Variants in FBXO36 observed in about 807,000 individuals in gnomAD.
The protein encoded by FBXO36 is F-box protein 36, also known as F-box only protein 36.
Under a neutral mutation model 17.0 loss-of-function variants are expected in FBXO36, and 18 were observed. That is an observed-to-expected ratio of 1.06 (90% CI 0.73 to 1.57). FBXO36 has a LOEUF of 1.57. Ranked by LOEUF, FBXO36 falls within the 40% of genes most tolerant of loss-of-function variation. The pLI is 0.00. For synonymous variants in FBXO36, 83 were observed against 85.3 expected (o/e 0.97, Z 0.15); for missense variants, 229 against 221.9 (o/e 1.03, Z -0.20).
chr2:230,001,964 C>T (rs2077361552), intron 3 of FBXO36, among the ~76,000 whole-genome samples: 1 of 152,120 alleles, frequency 6.6e-6, no homozygotes, highest in South Asian at 2.1e-4. Flanking sequence ...ATTACAAGTG[C>T]AAGCCACCAC....
intron 2 of FBXO36, among the ~76,000 whole-genome samples, chr2:229,985,534 C>T (rs1406279796): frequency 1.3e-5 from 2 of 152,146 alleles, no homozygotes; most frequent in African/African-American, 4.8e-5. Context: ...CCTTTGTCTT[C>T]AGCCTTGATC....
At chr2:229,978,400 C>G (rs2106196474) in intron 2 of FBXO36, among the ~76,000 whole-genome samples, 1 of 151,814 alleles carries the variant, frequency 6.6e-6, no homozygotes, top group East Asian at 1.9e-4. Context: ...CTGGCCAAGA[C>G]AGTGAAACCC....
intron 1 of FBXO36, among the ~76,000 whole-genome samples, chr2:229,936,494 T>A (rs1432085673): frequency 6.6e-6 from 1 of 152,208 alleles, no homozygotes; most frequent in Admixed American, 6.6e-5. Context: ...GGGCATTTTA[T>A]AAAGATAGAT....
intron 1 of FBXO36, among the ~76,000 whole-genome samples, chr2:229,961,517 G>C (rs932910428): frequency 3.3e-5 from 5 of 151,930 alleles, no homozygotes; most frequent in African/African-American, 4.8e-5. Context: ...CTGGAACTAC[G>C]GGCGCATGCC....
intron 1 of FBXO36, among the ~76,000 whole-genome samples, chr2:229,974,345 G>C (rs371831986): frequency 6.6e-6 from 1 of 152,112 alleles, no homozygotes; most frequent in African/African-American, 2.4e-5. Context: ...TAAATACCTC[G>C]GAAGGGCCAG....
chr2:229,958,290 A>G (rs2077101682), intron 1 of FBXO36, among the ~76,000 whole-genome samples: 1 of 100,984 alleles, frequency 9.9e-6, no homozygotes, highest in African/African-American at 4.1e-5. Context: ...TTTTTGAGTC[A>G]GAGTCTCACT....
At chr2:229,995,308 G>A (rs563036582) in intron 2 of FBXO36, among the ~76,000 whole-genome samples, 1 of 152,116 alleles carries the variant, frequency 6.6e-6, no homozygotes, top group East Asian at 1.9e-4. Context: ...AGAGAACTGG[G>A]GGGAAATCCT....
chr2:229,946,421 C>T (rs1451793222), intron 1 of FBXO36, among the ~76,000 whole-genome samples: 1 of 152,162 alleles, frequency 6.6e-6, no homozygotes, highest in Non-Finnish European at 1.5e-5. Context: ...GCATCTCTGC[C>T]AAGAATCCCC....
At chr2:229,953,995 A>G (rs1301843803) in intron 1 of FBXO36, among the ~76,000 whole-genome samples, 1 of 152,042 alleles carries the variant, frequency 6.6e-6, no homozygotes, top group Non-Finnish European at 1.5e-5. Context: ...CCTTCCAAGT[A>G]GCTGGGACTA....
intron 1 of FBXO36, among the ~76,000 whole-genome samples, chr2:229,926,614 T>G (rs1341578608): frequency 6.7e-6 from 1 of 150,186 alleles, no homozygotes; most frequent in Non-Finnish European, 1.5e-5. Flanking sequence ...CATGGTAGCA[T>G]GAGCCTGTAA....
chr2:229,946,900 C>T (rs2077029958), intron 1 of FBXO36, among the ~76,000 whole-genome samples: 1 of 152,178 alleles, frequency 6.6e-6, no homozygotes, highest in Non-Finnish European at 1.5e-5. Flanking sequence ...GGCGCTGTGG[C>T]TCATGCCTAT....
chr2:229,976,035 T>C (rs2077206497), intron 1 of FBXO36, among the ~76,000 whole-genome samples: 1 of 152,184 alleles, frequency 6.6e-6, no homozygotes, highest in Non-Finnish European at 1.5e-5. Flanking sequence ...AAGTTCCTTC[T>C]AGCACTATGG....
At chr2:229,979,886 A>G (rs1305003093) in intron 2 of FBXO36, among the ~76,000 whole-genome samples, 1 of 152,150 alleles carries the variant, frequency 6.6e-6, no homozygotes, top group Non-Finnish European at 1.5e-5. Context: ...GAAGAAAAAA[A>G]AAAGAACAAT....
intron 3 of FBXO36, among the ~76,000 whole-genome samples, chr2:229,999,728 G>A (rs773925249): frequency 6.6e-6 from 1 of 151,572 alleles, no homozygotes; most frequent in Non-Finnish European, 1.5e-5. Context: ...TTGGGTTCAG[G>A]CATACATGTG....
At chr2:229,965,618 T>A (rs1436926646) in intron 1 of FBXO36, among the ~76,000 whole-genome samples, 1 of 146,160 alleles carries the variant, frequency 6.8e-6, no homozygotes, top group Non-Finnish European at 1.5e-5. Context: ...AGTGAGAACA[T>A]GCGGTGTTTG....
chr2:229,945,306 G>A (rs1322986249), intron 1 of FBXO36, among the ~76,000 whole-genome samples: 1 of 151,808 alleles, frequency 6.6e-6, no homozygotes, highest in Non-Finnish European at 1.5e-5. Flanking sequence ...TTTTTTGTTT[G>A]TTTGTTTGTT....
chr2:229,943,679 T>C (rs911874316), intron 1 of FBXO36, among the ~76,000 whole-genome samples: 1 of 152,180 alleles, frequency 6.6e-6, no homozygotes, highest in African/African-American at 2.4e-5. Context: ...TGACCATGTG[T>C]GTGTTTGAAC....
chr2:229,954,479 G>A (rs1398881383), intron 1 of FBXO36, among the ~76,000 whole-genome samples: 1 of 150,010 alleles, frequency 6.7e-6, no homozygotes, highest in Non-Finnish European at 1.5e-5. Context: ...CTGACCTCAA[G>A]TGATCTGCCC....
At chr2:229,957,636 A>G (rs1481670475) in intron 1 of FBXO36, among the ~76,000 whole-genome samples, 1 of 152,188 alleles carries the variant, frequency 6.6e-6, no homozygotes, top group Non-Finnish European at 1.5e-5. Context: ...CTGAGGATGC[A>G]TTTGAAGCAA....
Sources: allele counts gnomAD v4.1 joint callset (sites outside exome capture counted in the v4.1 genomes callset), GRCh38; gene constraint gnomAD v4.1.1; transcripts MANE v1.5; gene names NCBI Gene and HGNC (gene_info 2026-07-23, HGNC 2026-07-21).